The following BBOX1 variants were observed in gnomAD, a reference collection of about 807,000 sequenced individuals.
The protein encoded by BBOX1 is gamma-butyrobetaine dioxygenase.
BBOX1 carries 35 observed loss-of-function variants against 41.6 expected under a neutral mutation model. The observed-to-expected ratio is 0.84, with a 90% CI of 0.64 to 1.11. The LOEUF (loss-of-function observed/expected upper bound fraction) is 1.11. Among genes scored for constraint, BBOX1 ranks in the 50% most tolerant of loss-of-function variants. The pLI is 0.00. For synonymous variants in BBOX1, 163 were observed against 154.7 expected, an observed-to-expected ratio of 1.05 and a Z score of -0.40; for missense variants, 458 against 460.6, an observed-to-expected ratio of 0.99 and a Z score of 0.05.
intron 5 of BBOX1, among the ~76,000 whole-genome samples, chr11:27,105,976 A>G (rs1263101962): frequency 6.6e-6 from 1 of 152,190 alleles, no homozygotes; most frequent in Non-Finnish European, 1.5e-5. Context: ...CCAGAATTTC[A>G]TATCTAGCCA....
Position 27,127,669 on chromosome 11 carries a change from C to T in BBOX1, c.*216C>T. The T allele has an allele frequency of 1.9e-6, 1 of 524,766 alleles. No individual in the cohort carries two copies. 32.5% of individuals were successfully genotyped at this position (524,766 alleles called of 1,614,324 possible). The stretch of plus-strand genomic sequence containing the variant: ...TTTTGCAAATAAAGCATCCTTTCTG[C>T]TCTGTTGCATGCCTGCTCTAATTTC... On this transcript the variant is annotated 3_prime_UTR_variant, in exon 9 of 9. Coordinates refer to ENST00000263182, the MANE Select transcript of BBOX1 (RefSeq NM_003986.3).
At chr11:27,086,419 G>A (rs10767611) in intron 4 of BBOX1, among the ~76,000 whole-genome samples, 4 of 151,876 alleles carry the variant, frequency 2.6e-5, no homozygotes, top group African/African-American at 9.7e-5. Flanking sequence ...TGTTCTGCCT[G>A]TGCTCTATCA....
At position 27,125,975 on chromosome 11, in the gene BBOX1, T is replaced by C. The variant is rs536223288; in HGVS notation, c.1003+155T>C. On this transcript the variant is annotated intron_variant, in intron 8 of 8. Transcript: ENST00000263182. ...CAACTGACTTGCTTATGTAGTGGAC[T>C]CGTGGCCCTCATTGAGGTTTATGCT... 3.7e-5 allele frequency: 26 copies of C among 705,664 alleles called. No homozygotes were observed. In the African/African-American group the frequency reaches 4.5e-4, roughly 12 times the overall value. The allele number at this position is 705,664 out of a possible 1,614,324, so 43.7% of individuals were successfully genotyped here.
chr11:27,110,384 T>TA (rs1859016173), intron 5 of BBOX1, among the ~76,000 whole-genome samples: 1 of 151,974 alleles, frequency 6.6e-6, no homozygotes, highest in African/African-American at 2.4e-5. Flanking sequence ...ATCTTCATCC[T>TA]AGTCCCCAAA....
At chr11:27,123,728 C>T (rs940783678) in intron 7 of BBOX1, among the ~76,000 whole-genome samples, 4 of 152,082 alleles carry the variant, frequency 2.6e-5, no homozygotes, top group Non-Finnish European at 5.9e-5. Context: ...TAGAGGTACA[C>T]AGTCTTTTCT....
At position 27,127,640 on chromosome 11, in the gene BBOX1, A is replaced by G; in HGVS notation, c.*187A>G. 3.1e-6 allele frequency: 2 copies of G among 640,318 alleles called. No individual in the cohort carries two copies. The highest frequency in any genetic ancestry group is 4.9e-6 in the Non-Finnish European group (2 of 404,816). 39.7% of individuals were successfully genotyped at this position (640,318 alleles called of 1,614,324 possible). Reference sequence around the variant, plus strand: ...ATGTCAACTTTTTAGATGTTTCACCACTCTTTTGCAAATAAAGCATCCTTT... The same window carrying G: ...ATGTCAACTTTTTAGATGTTTCACCGCTCTTTTGCAAATAAAGCATCCTTT... On this transcript the variant is annotated 3_prime_UTR_variant, in exon 9 of 9. Coordinates refer to ENST00000263182, the MANE Select transcript of BBOX1 (RefSeq NM_003986.3).
rs375437304 is a variant in BBOX1, at chr11:27,060,059, C to T, written c.334+2744C>T. On this transcript the variant is annotated intron_variant, in intron 4 of 8. Coordinates refer to ENST00000263182, the MANE Select transcript of BBOX1 (RefSeq NM_003986.3). ...TGAGAAGTACATGAGATTTGGGGGG[C>T]GAGGAGCAAAATGATATGGTTTGCA... Among the ~76,000 whole-genome samples the T allele has an allele frequency of 4.0e-4, 61 of 152,076 alleles. No homozygotes were observed. In the South Asian group the frequency reaches 0.011, roughly 29 times the overall value.
intron 7 of BBOX1, among the ~76,000 whole-genome samples, chr11:27,124,509 CTTAT>C (rs912690849): frequency 6.6e-6 from 1 of 151,982 alleles, no homozygotes; most frequent in East Asian, 1.9e-4. Context: ...ATGTGCTTTC[CTTAT>C]TTATTTATTA....
chr11:27,119,336 C>G (rs996017349), intron 6 of BBOX1, among the ~76,000 whole-genome samples: 1 of 152,026 alleles, frequency 6.6e-6, no homozygotes, highest in Non-Finnish European at 1.5e-5. Context: ...GCAGCTCTTA[C>G]AAGCTGTTCT....
intron 7 of BBOX1, among the ~76,000 whole-genome samples, chr11:27,125,309 A>C (rs762876854): frequency 6.6e-6 from 1 of 152,212 alleles, no homozygotes; most frequent in Non-Finnish European, 1.5e-5. Context: ...TTGACCTATA[A>C]ATTTGTAACA....
At position 27,127,452 on chromosome 11, in the gene BBOX1, G is replaced by T; in HGVS notation, c.1163G>T (p.Ter388LeuextTer4). Residue 388 changes from the stop codon to leucine (L), a stop_lost, in exon 9 of 9, where the codon TGA becomes TTA. Coordinates refer to ENST00000263182, the MANE Select transcript of BBOX1 (RefSeq NM_003986.3). ...ILRQRVENGN* is the reference protein window; with the variant it reads ...ILRQRVENGNL The stretch of plus-strand genomic sequence containing the variant: ...AGGCAGAGGGTGGAGAATGGAAACT[G>T]AAGTCACCTGTAGATAATTTTAATA... 6.2e-7 allele frequency: 1 copy of T among 1,601,832 alleles called. No homozygotes were observed. Among genetic ancestry groups the T allele is most frequent in the Non-Finnish European group, 8.5e-7 (1 of 1,177,022 alleles).
In BBOX1 at chr11:27,106,524, G is replaced by C. The variant is rs181428050; in HGVS notation, c.534-8928G>C. Among the ~76,000 whole-genome samples the C allele has an allele frequency of 1.1e-3, 171 of 151,760 alleles. 4 individuals carry two copies. The highest frequency in any genetic ancestry group is 4.7e-4 in the Non-Finnish European group (32 of 67,760). Reference sequence around the variant, plus strand: ...TTACATAATGGTAAAGGGATCAATTGAACAAGAACTAACTATCCTAAATAT... The same window carrying C: ...TTACATAATGGTAAAGGGATCAATTCAACAAGAACTAACTATCCTAAATAT... On this transcript the variant is annotated intron_variant, in intron 5 of 8. Transcript: ENST00000263182.
chr11:27,127,180 C>G, intron 8 of BBOX1, 113 bp from the exon 9 acceptor site: 2 of 1,145,260 alleles, frequency 1.7e-6, no homozygotes, highest in Non-Finnish European at 2.5e-6. Context: ...AAGAAATAAG[C>G]GATGATTCTT....
At chr11:27,111,851 A>G (rs1859076324) in intron 5 of BBOX1, among the ~76,000 whole-genome samples, 1 of 151,946 alleles carries the variant, frequency 6.6e-6, no homozygotes, top group Non-Finnish European at 1.5e-5. Flanking sequence ...TCCCTTTAAA[A>G]GTATTCTGAG....
intron 4 of BBOX1, among the ~76,000 whole-genome samples, chr11:27,076,311 A>C (rs992988967): frequency 6.6e-6 from 1 of 152,170 alleles, no homozygotes; most frequent in Non-Finnish European, 1.5e-5. Context: ...CTTGGTTATA[A>C]ATAACCTTAG....
At chr11:27,119,414 C>T (rs1318797429) in intron 6 of BBOX1, among the ~76,000 whole-genome samples, 1 of 151,738 alleles carries the variant, frequency 6.6e-6, no homozygotes, top group Non-Finnish European at 1.5e-5. Context: ...TTGAACTATA[C>T]AGTATTGATT....
In BBOX1 at chr11:27,119,705, A is replaced by G; in HGVS notation, c.696A>G (p.Val232=). ...TCACAGGGGGTGATTCAGAAATTGT[A>G]GATGGGTTTAATGTGTGCCAAAAAC... is the stretch of plus-strand genomic sequence containing the variant. The part of the protein sequence containing the change: ...QTVTGGDSEI[V]DGFNVCQKLK... Residue 232 remains valine (V), a synonymous_variant, in exon 7 of 9, where the codon GTA becomes GTG. Transcript: ENST00000263182. 1 of 1,581,188 alleles carries G rather than the reference A, an allele frequency of 6.3e-7. No homozygotes were observed. Among genetic ancestry groups the G allele is most frequent in the African/African-American group, 1.4e-5 (1 of 73,388 alleles).
chr11:27,054,773 G>C (rs1644952285), intron 2 of BBOX1, among the ~76,000 whole-genome samples: 3 of 152,074 alleles, frequency 2.0e-5, no homozygotes, highest in African/African-American at 7.2e-5. Flanking sequence ...AGAACCTAAG[G>C]ACTTCTATAT....
Position 27,071,360 on chromosome 11 carries a change from C to A in BBOX1, c.334+14045C>A, listed in dbSNP as rs372435468. On this transcript the variant is annotated intron_variant, in intron 4 of 8. Transcript: ENST00000263182. ...TTGTACCACTGCACTCTAGCCTGGGCAACAGAGCAAGACTCCATCTCAAAA... is the reference window on the plus strand; with the variant it reads ...TTGTACCACTGCACTCTAGCCTGGGAAACAGAGCAAGACTCCATCTCAAAA... Among the ~76,000 whole-genome samples, 488 of 147,892 alleles carry A rather than the reference C, an allele frequency of 3.3e-3. 2 individuals are homozygous for A. The highest frequency in any genetic ancestry group is 0.012 in the African/African-American group (471 of 39,822).
Sources: gnomAD v4.1 joint callset for allele counts (sites outside exome capture counted in the v4.1 genomes callset) on GRCh38, gnomAD v4.1.1 for gene constraint, MANE v1.5 for transcripts, NCBI Gene and HGNC (gene_info 2026-07-23, HGNC 2026-07-21) for gene names.